Variants in SYNE2 observed in about 807,000 individuals in gnomAD.
SYNE2 encodes spectrin repeat containing nuclear envelope protein 2.
SYNE2 carries 431 observed loss-of-function variants against 856.3 expected under a neutral mutation model. The ratio of observed to expected loss-of-function variants is 0.50; its 90% CI spans 0.47 to 0.55. The LOEUF (loss-of-function observed/expected upper bound fraction) is 0.55. SYNE2 is among the 20% of genes least tolerant of loss of function. The pLI is 0.00. For missense variants in SYNE2, 8,129 were observed against 8,023.2 expected (o/e 1.01, Z -0.50); for synonymous variants, 2,923 against 2,872.3 (o/e 1.02, Z -0.56).
chr14:64,074,847 A>G (rs1019382609), intron 53 of SYNE2, among the ~76,000 whole-genome samples: 3 of 151,434 alleles, frequency 2.0e-5, no homozygotes, highest in Non-Finnish European at 1.5e-5. Context: ...GTAAGCCGAG[A>G]TCGTGCCGCT....
At chr14:63,900,574 G>T (rs2153320873) in intron 1 of SYNE2, among the ~76,000 whole-genome samples, 1 of 152,316 alleles carries the variant, frequency 6.6e-6, no homozygotes, top group African/African-American at 2.4e-5. Context: ...TGACACGTGG[G>T]AATTGTGGGA....
intron 7 of SYNE2, among the ~76,000 whole-genome samples, chr14:63,951,989 A>G (rs373132035): frequency 6.6e-6 from 1 of 152,164 alleles, no homozygotes; most frequent in African/African-American, 2.4e-5. Context: ...TTTGGCCATC[A>G]TTGGTGGTAT....
At chr14:64,211,707 C>T (rs1420118450) in intron 103 of SYNE2, among the ~76,000 whole-genome samples, 1 of 152,214 alleles carries the variant, frequency 6.6e-6, no homozygotes, top group African/African-American at 2.4e-5. Context: ...AACATTCCCA[C>T]TCTCTCCCCG....
chr14:63,983,806 T>C lies in SYNE2; in HGVS notation c.2071T>C (p.Ser691Pro), dbSNP rs267604018. The change falls in exon 18 of 116, where the codon TCT becomes CCT. Residue 691 changes from serine to proline, a missense_variant. This residue lies in a region of SYNE2 where 2,422 missense variants were observed against 2,357.4 expected (regional missense o/e 1.03). Transcript: ENST00000555002. Reference sequence around the variant, plus strand: ...TTTTGACAATTCTGGAAATATTCTATCTAAAGAAGAGAAAGCAACTGTTGA... The same window carrying C: ...TTTTGACAATTCTGGAAATATTCTACCTAAAGAAGAGAAAGCAACTGTTGA... ...PTFDNSGNIL[S>P]KEEKATVEFS... The C allele has an allele frequency of 6.2e-7, 1 of 1,611,674 alleles. No homozygotes were observed.
At chr14:64,080,337 A>G (rs1269094617) in intron 55 of SYNE2, 119 bp from the exon 56 acceptor site, 2 of 1,019,786 alleles carry the variant, frequency 2.0e-6, no homozygotes, top group Non-Finnish European at 3.1e-6. Flanking sequence ...TGTTCATGTG[A>G]TGTTGTTTCT....
intron 1 of SYNE2, among the ~76,000 whole-genome samples, chr14:63,795,844 C>T (rs1013017840): frequency 4.6e-5 from 7 of 152,166 alleles, no homozygotes; most frequent in African/African-American, 1.7e-4. Flanking sequence ...TGTGGATGAA[C>T]ATCAAACACC....
At chr14:63,956,754 A>G (rs1396310442) in intron 8 of SYNE2, among the ~76,000 whole-genome samples, 2 of 152,232 alleles carry the variant, frequency 1.3e-5, no homozygotes, top group South Asian at 2.1e-4. Flanking sequence ...TCCCTAAACA[A>G]TACATGTTAC....
At chr14:64,107,707 A>G (rs1253362366) in intron 65 of SYNE2, 100 bp downstream of exon 65, 3 of 959,150 alleles carry the variant, frequency 3.1e-6, no homozygotes, top group African/African-American at 1.6e-5. Flanking sequence ...ACGTCAAGCT[A>G]AGTGTTCCTT....
chr14:64,107,459 C>T (rs370004280), intron 64 of SYNE2, 32 bp from the exon 65 acceptor site: 2 of 1,581,816 alleles, frequency 1.3e-6, no homozygotes, highest in Admixed American at 3.3e-5. Flanking sequence ...AGGGCAGGAC[C>T]CTTTCTGGAG....
intron 18 of SYNE2, among the ~76,000 whole-genome samples, chr14:63,984,363 A>C (rs2096609341): frequency 6.6e-6 from 1 of 152,258 alleles, no homozygotes; most frequent in Non-Finnish European, 1.5e-5. Flanking sequence ...TGAAGTCTTT[A>C]GCATGAAAGT....
intron 52 of SYNE2, 77 bp from the exon 53 acceptor site, chr14:64,073,891 G>A: frequency 6.7e-7 from 1 of 1,489,660 alleles, no homozygotes; most frequent in Non-Finnish European, 9.3e-7. Flanking sequence ...TTCATTAATT[G>A]TTGCAATAAA....
chr14:63,946,971 T>G (rs1198133359), intron 6 of SYNE2, among the ~76,000 whole-genome samples: 1 of 152,144 alleles, frequency 6.6e-6, no homozygotes, highest in East Asian at 1.9e-4. Context: ...TGCCTCAGCC[T>G]CCTGAGTATC....
At chr14:63,906,078 T>C (rs1232346304) in intron 1 of SYNE2, among the ~76,000 whole-genome samples, 1 of 152,252 alleles carries the variant, frequency 6.6e-6, no homozygotes, top group Non-Finnish European at 1.5e-5. Flanking sequence ...TTTTTGCTTT[T>C]AATTCTGTTT....
chr14:64,052,338 G>A lies in SYNE2; in HGVS notation c.8425G>A (p.Glu2809Lys). ...YEGSDLNNTL[E>K]DLRNQYQMLV... ...GGGCAGTGATTTAAATAATACCCTA[G>A]AGGACTTACGGAATCAATACCAAAT... Residue 2809 changes from glutamate (E) to lysine (K), a missense_variant, in exon 48 of 116, where the codon GAG becomes AAG. Glu to Lys is a moderately conservative substitution (Grantham distance 56). Around this residue, in one of 3 missense-constraint regions of SYNE2, gnomAD observed 5,410 missense variants for 5,284.8 expected, o/e 1.02. Coordinates refer to ENST00000555002, the MANE Select transcript of SYNE2 (RefSeq NM_182914.3). The A allele has an allele frequency of 6.2e-7, 1 of 1,614,122 alleles. No homozygotes were observed.
At chr14:64,197,217 ATGG>A (rs1376644347) in intron 99 of SYNE2, 1 of 152,252 alleles carries the variant, frequency 6.6e-6, no homozygotes, top group Non-Finnish European at 1.5e-5. Context: ...CACCGATGAG[ATGG>A]TGGCTGCGGA....
chr14:64,078,371 G>A (rs1217152492), intron 54 of SYNE2, 95 bp from the exon 55 acceptor site: 2 of 1,565,154 alleles, frequency 1.3e-6, no homozygotes, highest in African/African-American at 1.4e-5. Context: ...ATTTTTACAA[G>A]TTAAAACAGA....
At chr14:64,211,426 GTCT>G (rs1398726641) in intron 103 of SYNE2, among the ~76,000 whole-genome samples, 1 of 152,206 alleles carries the variant, frequency 6.6e-6, no homozygotes, top group African/African-American at 2.4e-5. Context: ...ACTGCTCTGA[GTCT>G]TCTTTCTCTG....
chr14:64,223,338 G>A lies in SYNE2; in HGVS notation c.20340G>A (p.Arg6780=), dbSNP rs372785421. The A allele has an allele frequency of 6.2e-7, 1 of 1,614,020 alleles. No individual in the cohort carries two copies. Among genetic ancestry groups the A allele is most frequent in the African/African-American group, 1.3e-5 (1 of 74,938 alleles). The change falls in exon 113 of 116, where the codon CGG becomes CGA. Residue 6780 remains arginine, a synonymous_variant. Coordinates refer to ENST00000555002, the MANE Select transcript of SYNE2 (RefSeq NM_182914.3). ...TTGAGAAGAAACTCAAACAGTTACG[G>A]GAGCAAGTGTCCCAAGATTTAATGG... The part of the protein sequence containing the change: ...HVIEKKLKQL[R]EQVSQDLMAL...
chr14:63,964,101 A>C, intron 10 of SYNE2, 101 bp downstream of exon 10: 1 of 767,978 alleles, frequency 1.3e-6, no homozygotes, highest in African/African-American at 1.8e-5. Context: ...TTTAAGTATT[A>C]AATTCACTGA....
Sources: allele counts gnomAD v4.1 joint callset (sites outside exome capture counted in the v4.1 genomes callset), GRCh38; gene constraint gnomAD v4.1.1; regional missense constraint gnomAD v4.1.1; transcripts MANE v1.5; gene names NCBI Gene and HGNC (gene_info 2026-07-23, HGNC 2026-07-21).